Variants in PRDM2 observed in about 807,000 individuals in gnomAD.
PRDM2 encodes PR/SET domain 2, also known as PR domain zinc finger protein 2.
Under a neutral mutation model 130.0 loss-of-function variants are expected in PRDM2, and 30 were observed. The ratio of observed to expected loss-of-function variants is 0.23; its 90% CI spans 0.17 to 0.31. PRDM2 has a LOEUF of 0.31. Among genes scored for constraint, PRDM2 ranks in the 10% least tolerant of loss-of-function variants. PRDM2 has a pLI of 1.00. For synonymous variants in PRDM2, 871 were observed against 782.4 expected, an observed-to-expected ratio of 1.11 and a Z score of -1.89; for missense variants, 2,011 against 2,108.4, an observed-to-expected ratio of 0.95 and a Z score of 0.90.
intron 7 of PRDM2, among the ~76,000 whole-genome samples, chr1:13,778,200 T>A (rs915791076): frequency 6.6e-6 from 1 of 152,234 alleles, no homozygotes; most frequent in Non-Finnish European, 1.5e-5. Context: ...TATTGCCTGG[T>A]ACGTGGCTGG....
rs114821907 is a variant in PRDM2, at chr1:13,769,975, A to T, written c.512-3103A>T. ...TCTAGTAAATAGTGGCTACAGGTGCAGTTAAACATCTTCCAGTGCATCAGA... is the reference window on the plus strand; with the variant it reads ...TCTAGTAAATAGTGGCTACAGGTGCTGTTAAACATCTTCCAGTGCATCAGA... On this transcript the variant is annotated intron_variant, in intron 6 of 9. Coordinates refer to ENST00000311066, the MANE Select transcript of PRDM2 (RefSeq NM_001393986.1). Among the ~76,000 whole-genome samples the T allele has an allele frequency of 5.9e-3, 900 of 152,270 alleles. 12 individuals are homozygous for T. Among genetic ancestry groups the T allele is most frequent in the African/African-American group, 0.021 (860 of 41,540 alleles).
intron 8 of PRDM2, among the ~76,000 whole-genome samples, chr1:13,797,665 G>A (rs1166112748): frequency 6.6e-6 from 1 of 152,204 alleles, no homozygotes; most frequent in East Asian, 1.9e-4. Flanking sequence ...TCCTGGGTGT[G>A]TGATGGGGCC....
chr1:13,793,381 G>A (rs1644872461), intron 8 of PRDM2, among the ~76,000 whole-genome samples: 2 of 152,324 alleles, frequency 1.3e-5, no homozygotes, highest in South Asian at 2.1e-4. Flanking sequence ...ACAGACCTAG[G>A]GAGGCACCGC....
At chr1:13,745,404 T>G (rs1212941763) in intron 5 of PRDM2, among the ~76,000 whole-genome samples, 1 of 150,416 alleles carries the variant, frequency 6.6e-6, no homozygotes, top group African/African-American at 2.4e-5. Context: ...GCAAAGACCT[T>G]GGAGTAGGAA....
At chr1:13,712,627 C>T (rs919543643) in intron 1 of PRDM2, among the ~76,000 whole-genome samples, 2 of 152,032 alleles carry the variant, frequency 1.3e-5, no homozygotes, top group African/African-American at 2.4e-5. Flanking sequence ...CTTGGTGGCA[C>T]GTGCCTGTAG....
chr1:13,798,456 G>A (rs1644956119), intron 8 of PRDM2, among the ~76,000 whole-genome samples: 1 of 147,066 alleles, frequency 6.8e-6, no homozygotes. Context: ...CATAATGAAA[G>A]CCAATCAGTA....
intron 6 of PRDM2, among the ~76,000 whole-genome samples, chr1:13,761,426 C>T (rs778956423): frequency 1.1e-4 from 17 of 152,228 alleles, no homozygotes; most frequent in African/African-American, 2.9e-4. Flanking sequence ...ATTAATTTGA[C>T]GATACCAGTT....
chr1:13,803,370 G>A lies in PRDM2; in HGVS notation c.5037-13057G>A, dbSNP rs1645038239. ...CCGTGGCAGGTTCGATGGGTGAGAA[G>A]TGAATAGACTCCAACCGTGCTCTCC... On this transcript the variant is annotated intron_variant, in intron 8 of 9. Transcript: ENST00000311066. The surrounding 1 kb of genome is among the most constrained non-coding windows in gnomAD (Gnocchi z 6.2). Among the ~76,000 whole-genome samples the A allele has an allele frequency of 6.6e-6, 1 of 152,212 alleles. No homozygotes were observed. The highest frequency in any genetic ancestry group is 2.4e-5 in the African/African-American group (1 of 41,456).
intron 7 of PRDM2, 46 bp downstream of exon 7, chr1:13,773,234 C>A (rs1183898800): frequency 7.9e-6 from 9 of 1,135,076 alleles, no homozygotes; most frequent in South Asian, 1.8e-5. Context: ...GTGTATGTAC[C>A]CAGTGAATTT....
intron 2 of PRDM2, chr1:13,717,340 C>T (rs916287667): frequency 8.2e-6 from 6 of 729,666 alleles, no homozygotes; most frequent in East Asian, 1.3e-4. Context: ...ATTCTTATTA[C>T]GAACCTGGTC....
rs1365874124 is a variant in PRDM2, at chr1:13,749,360, G to A, written c.385-1G>A. 3 of 1,489,522 alleles carry A rather than the reference G, an allele frequency of 2.0e-6. No homozygotes were observed. The highest frequency in any genetic ancestry group is 1.9e-5 in the Admixed American group (1 of 53,662). 92.3% of individuals were successfully genotyped at this position (1,489,522 alleles called of 1,614,324 possible). ...GGCGCTTGTCTCTTCTCTCCCCGCA[G>A]CCAATCGCGCCGGGCGAGGAGCTCC... On this transcript the variant is annotated splice_acceptor_variant, in intron 5 of 9. Coordinates refer to ENST00000311066, the MANE Select transcript of PRDM2 (RefSeq NM_001393986.1). LOFTEE classifies it high-confidence loss of function.
At chr1:13,711,640 T>G (rs1270394166) in intron 1 of PRDM2, among the ~76,000 whole-genome samples, 1 of 152,166 alleles carries the variant, frequency 6.6e-6, no homozygotes, top group Non-Finnish European at 1.5e-5. Context: ...CACCCCTTGT[T>G]TTTGATATAG....
rs1174670972 is a variant in PRDM2, at chr1:13,779,617, G to A, written c.1822G>A (p.Glu608Lys). The A allele has an allele frequency of 6.2e-7, 1 of 1,613,994 alleles. No individual in the cohort carries two copies. The highest frequency in any genetic ancestry group is 1.1e-5 in the South Asian group (1 of 91,060). Reference sequence around the variant, plus strand: ...TTGTCTGCTCACTCCAGTTACAGTGGAAATTACTCAAAATATAAAGACCAC... The same window carrying A: ...TTGTCTGCTCACTCCAGTTACAGTGAAAATTACTCAAAATATAAAGACCAC... ...INCLLTPVTV[E>K]ITQNIKTTQV... Residue 608 changes from glutamate to lysine, a missense_variant, in exon 8 of 10, where the codon GAA becomes AAA. Glu to Lys is a moderately conservative substitution (Grantham distance 56). Around this residue, in one of 5 missense-constraint regions of PRDM2, gnomAD observed 1,288 missense variants for 1,237.7 expected, o/e 1.04. Transcript: ENST00000311066. The surrounding 1 kb of genome is among the most constrained non-coding windows in gnomAD (Gnocchi z 4.9).
At chr1:13,713,953 C>G (rs1416914641) in intron 1 of PRDM2, among the ~76,000 whole-genome samples, 1 of 152,112 alleles carries the variant, frequency 6.6e-6, no homozygotes, top group African/African-American at 2.4e-5. Context: ...ACTGCAAGCT[C>G]CGCCTCCCGG....
At chr1:13,744,266 C>T (rs1379982977) in intron 5 of PRDM2, among the ~76,000 whole-genome samples, 1 of 152,098 alleles carries the variant, frequency 6.6e-6, no homozygotes, top group Non-Finnish European at 1.5e-5. Context: ...TTGCTGTGAC[C>T]CAAGGCAAGT....
At chr1:13,727,276 T>C (rs1403256045) in intron 2 of PRDM2, among the ~76,000 whole-genome samples, 1 of 152,184 alleles carries the variant, frequency 6.6e-6, no homozygotes, top group Non-Finnish European at 1.5e-5. Flanking sequence ...GTTCCTTTTT[T>C]TTTTGAGACG....
intron 8 of PRDM2, among the ~76,000 whole-genome samples, chr1:13,797,045 T>C (rs891268282): frequency 6.6e-6 from 1 of 152,206 alleles, no homozygotes; most frequent in African/African-American, 2.4e-5. Context: ...CCATCCTATG[T>C]CCTTTAATTT....
chr1:13,703,796 C>T (rs1338691227), intron 1 of PRDM2, among the ~76,000 whole-genome samples: 1 of 152,236 alleles, frequency 6.6e-6, no homozygotes, highest in African/African-American at 2.4e-5. Flanking sequence ...CTTGGTCCAG[C>T]AACCCCTTGA....
Position 13,823,217 on chromosome 1 carries a change from A to G in PRDM2, c.*82A>G. ...GGGACTGGCAGTCTGCCCTGCAGGG[A>G]GTACCGACCTATCCCAGTTGTGTGA... On this transcript the variant is annotated 3_prime_UTR_variant, in exon 10 of 10. Coordinates refer to ENST00000311066, the MANE Select transcript of PRDM2 (RefSeq NM_001393986.1). 1 of 1,609,852 alleles carries G rather than the reference A, an allele frequency of 6.2e-7. No individual in the cohort carries two copies. Among genetic ancestry groups the G allele is most frequent in the Non-Finnish European group, 8.5e-7 (1 of 1,176,402 alleles).
Sources: allele counts gnomAD v4.1 joint callset (sites outside exome capture counted in the v4.1 genomes callset), GRCh38; gene constraint gnomAD v4.1.1; regional missense constraint gnomAD v4.1.1; non-coding constraint Gnocchi (gnomAD v3.1); transcripts MANE v1.5; gene names NCBI Gene and HGNC (gene_info 2026-07-23, HGNC 2026-07-21).